The following CCDC158 variants were observed in gnomAD, a reference collection of about 807,000 sequenced individuals.
CCDC158 encodes coiled-coil domain containing 158, also known as coiled-coil domain-containing protein 158.
A neutral mutation model predicts 138.6 loss-of-function variants in CCDC158; 116 were observed. The observed-to-expected ratio is 0.84, with a 90% CI of 0.72 to 0.98. CCDC158 has a LOEUF of 0.98. Ranked by LOEUF, CCDC158 falls within the 50% of genes least tolerant of loss-of-function variation. The pLI, the probability that CCDC158 is intolerant of heterozygous loss-of-function variation, is 0.00. For synonymous variants in CCDC158, 436 were observed against 442.4 expected (o/e 0.99, Z 0.18); for missense variants, 1,265 against 1,306.1 (o/e 0.97, Z 0.48).
chr4:76,411,257 C>T (rs1383678527), intron 2 of CCDC158, among the ~76,000 whole-genome samples: 1 of 152,030 alleles, frequency 6.6e-6, no homozygotes, highest in Non-Finnish European at 1.5e-5. Context: ...AAAAAATTAG[C>T]CGGGCATGGT....
chr4:76,406,395 T>A (rs929947737), intron 2 of CCDC158, among the ~76,000 whole-genome samples: 1 of 152,178 alleles, frequency 6.6e-6, no homozygotes, highest in Non-Finnish European at 1.5e-5. Flanking sequence ...AACGGACAAT[T>A]AGTATGAGAC....
At chr4:76,382,745 C>T (rs6844174) in intron 7 of CCDC158, 25 bp from the exon 8 acceptor site, 1,261,819 of 1,417,540 alleles carry the variant, frequency 0.89, 562,276 homozygotes, top group South Asian at 0.97. Context: ...TGGTGATTGT[C>T]ATTTGATACA....
chr4:76,370,977 A>G (rs927891037), intron 10 of CCDC158, among the ~76,000 whole-genome samples: 1 of 134,960 alleles, frequency 7.4e-6, no homozygotes, highest in East Asian at 1.9e-4. Context: ...TTCTCATCCT[A>G]TAGTTCCTCT....
Position 76,396,389 on chromosome 4 carries a change from T to A in CCDC158, c.168A>T (p.Lys56Asn). ...TAGGAGAATCAAGTTCCACTTCATATTTAGGGAAAAAAGGAACCTGTGTCA... is the reference window on the plus strand; with the variant it reads ...TAGGAGAATCAAGTTCCACTTCATAATTAGGGAAAAAAGGAACCTGTGTCA... ...GTLTQVPFFP[K>N]YEVELDSPRK... is the part of the protein sequence containing the mutation. Residue 56 changes from lysine to asparagine, a missense_variant, in exon 4 of 25, where the codon AAA becomes AAT. Coordinates refer to ENST00000682701, the MANE Select transcript of CCDC158 (RefSeq NM_001394954.1). 1 of 1,613,920 alleles carries A rather than the reference T, an allele frequency of 6.2e-7. No individual in the cohort carries two copies. The highest frequency in any genetic ancestry group is 8.5e-7 in the Non-Finnish European group (1 of 1,179,854).
chr4:76,353,592 G>C (rs545704935), intron 15 of CCDC158, among the ~76,000 whole-genome samples: 1 of 151,988 alleles, frequency 6.6e-6, no homozygotes, highest in Non-Finnish European at 1.5e-5. Context: ...TCAAATAATC[G>C]TATATCAAAT....
intron 9 of CCDC158, chr4:76,375,453 G>A (rs1225611121): frequency 3.4e-6 from 2 of 585,094 alleles, no homozygotes; most frequent in South Asian, 4.5e-5. Context: ...TGCATTGGCA[G>A]AACTATGCAG....
chr4:76,411,567 G>A (rs1447209916), intron 2 of CCDC158, among the ~76,000 whole-genome samples: 1 of 152,122 alleles, frequency 6.6e-6, no homozygotes, highest in East Asian at 1.9e-4. Flanking sequence ...TAAACACAGG[G>A]ACTATTATAA....
At chr4:76,359,862 G>A (rs1307285631) in intron 13 of CCDC158, among the ~76,000 whole-genome samples, 2 of 152,206 alleles carry the variant, frequency 1.3e-5, no homozygotes, top group Non-Finnish European at 2.9e-5. Context: ...GAAATTCAAG[G>A]CTGCAGAAAT....
intron 4 of CCDC158, among the ~76,000 whole-genome samples, chr4:76,387,221 G>A (rs143288251): frequency 6.6e-6 from 1 of 152,280 alleles, no homozygotes; most frequent in Non-Finnish European, 1.5e-5. Flanking sequence ...TGTCTTGCAT[G>A]TTAGGTACCA....
chr4:76,394,667 A>C (rs1386493090), intron 4 of CCDC158, among the ~76,000 whole-genome samples: 1 of 152,166 alleles, frequency 6.6e-6, no homozygotes, highest in Non-Finnish European at 1.5e-5. Context: ...TAAATGCTTG[A>C]GAGGATGGAA....
Position 76,357,496 on chromosome 4 carries a change from C to T in CCDC158, c.2051G>A (p.Arg684Gln), listed in dbSNP as rs200928353. 1.3e-4 allele frequency: 208 copies of T among 1,597,450 alleles called. 1 individual carries two copies. Among genetic ancestry groups the T allele is most frequent in the African/African-American group, 5.4e-4 (40 of 74,472 alleles). Residue 684 changes from arginine to glutamine, a missense_variant, in exon 14 of 25, where the codon CGA becomes CAA. By Grantham distance (43) the Arg-to-Gln change is conservative (BLOSUM62 1). Transcript: ENST00000682701. ...CATTTCCATTTCTTCACTTTTGTTTCGGAAATTCCTTTTTAAGACTTCATA... is the reference window on the plus strand; with the variant it reads ...CATTTCCATTTCTTCACTTTTGTTTTGGAAATTCCTTTTTAAGACTTCATA... ...EEYEVLKRNFRNKSEEMEMTT... is the reference protein window; with the variant it reads ...EEYEVLKRNFQNKSEEMEMTT...
intron 18 of CCDC158, chr4:76,345,671 T>C: frequency 1.1e-5 from 8 of 715,792 alleles, no homozygotes; most frequent in East Asian, 5.1e-5. Context: ...CCATGGAAGA[T>C]TTATTAGCTT....
In CCDC158 at chr4:76,402,686, TG is replaced by T. The variant is rs534027458; in HGVS notation, c.70+451del. Among the ~76,000 whole-genome samples the T allele has an allele frequency of 4.7e-3, 718 of 152,116 alleles. 6 individuals carry two copies. The highest frequency in any genetic ancestry group is 0.041 in the Middle Eastern group (12 of 294). On this transcript the variant is annotated intron_variant, in intron 3 of 24. Transcript: ENST00000682701. ...TTGAAATAATTTGGATCAGAGGTGA[TG>T]GGGGCCTGAACCAGAACACCAGTAA...
chr4:76,379,628 C>T (rs1726037779), intron 8 of CCDC158, among the ~76,000 whole-genome samples: 1 of 152,046 alleles, frequency 6.6e-6, no homozygotes. Context: ...ACACTATTTT[C>T]TCTCTACTTT....
intron 24 of CCDC158, among the ~76,000 whole-genome samples, chr4:76,322,162 A>C (rs932957980): frequency 9.9e-5 from 15 of 152,082 alleles, no homozygotes; most frequent in African/African-American, 2.7e-4. Flanking sequence ...AAATGCTAAA[A>C]CCCCACAAAT....
intron 9 of CCDC158, among the ~76,000 whole-genome samples, chr4:76,378,520 G>A (rs1327965382): frequency 6.6e-6 from 1 of 152,140 alleles, no homozygotes; most frequent in Admixed American, 6.5e-5. Flanking sequence ...GGAGATGAGA[G>A]GTAGCATTCA....
At chr4:76,419,132 C>A (rs1729918696) in intron 1 of CCDC158, among the ~76,000 whole-genome samples, 1 of 152,112 alleles carries the variant, frequency 6.6e-6, no homozygotes, top group Non-Finnish European at 1.5e-5. Flanking sequence ...TTAGCCAGAG[C>A]AAATAGTGAT....
At chr4:76,405,923 A>G (rs780957598) in intron 2 of CCDC158, among the ~76,000 whole-genome samples, 17 of 152,194 alleles carry the variant, frequency 1.1e-4, no homozygotes, top group Non-Finnish European at 2.4e-4. Context: ...TCTAGCAAAT[A>G]TAACACATTC....
intron 2 of CCDC158, among the ~76,000 whole-genome samples, chr4:76,409,566 T>C (rs547259234): frequency 8.1e-4 from 124 of 152,286 alleles, no homozygotes; most frequent in African/African-American, 3.0e-3. Flanking sequence ...GAGCAGTGGC[T>C]TACACCTGTA....
Sources: gnomAD v4.1 joint callset for allele counts (sites outside exome capture counted in the v4.1 genomes callset) on GRCh38, gnomAD v4.1.1 for gene constraint, MANE v1.5 for transcripts, NCBI Gene and HGNC (gene_info 2026-07-23, HGNC 2026-07-21) for gene names.